The following TRPM4 variants were observed in gnomAD, a reference collection of about 807,000 sequenced individuals.
TRPM4 encodes transient receptor potential cation channel subfamily M member 4.
In TRPM4, 124 loss-of-function variants were observed where a neutral mutation model predicts 135.6. That is an observed-to-expected ratio of 0.91 (90% CI 0.79 to 1.06). The LOEUF (loss-of-function observed/expected upper bound fraction) is 1.06. TRPM4 is among the 50% of genes least tolerant of loss of function. TRPM4 has a pLI of 0.00. For missense variants in TRPM4, 1,658 were observed against 1,671.4 expected, an observed-to-expected ratio of 0.99 and a Z score of 0.14; for synonymous variants, 745 against 705.6, an observed-to-expected ratio of 1.06 and a Z score of -0.88.
chr19:49,202,111 T>C lies in TRPM4; in HGVS notation c.3101T>C (p.Leu1034Pro). Residue 1034 changes from leucine (L) to proline (P), a missense_variant, in exon 20 of 25, where the codon CTG (leucine) becomes CCG (proline). This residue lies in a region of TRPM4 where 1,412 missense variants were observed against 1,408.7 expected (regional missense o/e 1.00). Coordinates refer to ENST00000252826, the MANE Select transcript of TRPM4 (RefSeq NM_017636.4). ...LVIFLLVANI[L>P]LVNLLIAMFS... ...ATCTTCCTGCTCGTGGCCAACATCC[T>C]GCTGGTCAACTTGCTCATTGCCATG... 6.2e-7 allele frequency: 1 copy of C among 1,614,136 alleles called. No homozygotes were observed. The highest frequency in any genetic ancestry group is 8.5e-7 in the Non-Finnish European group (1 of 1,180,042).
At position 49,168,606 on chromosome 19, in the gene TRPM4, G is replaced by A; in HGVS notation, c.666G>A (p.Gln222=). Residue 222 remains glutamine (Q), a synonymous_variant, in exon 6 of 25, where the codon CAG becomes CAA. Coordinates refer to ENST00000252826, the MANE Select transcript of TRPM4 (RefSeq NM_017636.4). ...RWRGDPEDGV[Q]FPLDYNYSAF... ...GCGGTGACCCGGAGGACGGGGTCCA[G>A]TTTCCCCTGGACTACAACTACTCGG... is the stretch of plus-strand genomic sequence containing the variant. 1 of 1,613,806 alleles carries A rather than the reference G, an allele frequency of 6.2e-7. No homozygotes were observed. The highest frequency in any genetic ancestry group is 8.5e-7 in the Non-Finnish European group (1 of 1,180,008).
intron 15 of TRPM4, 84 bp from the exon 16 acceptor site, chr19:49,190,612 G>C (rs1968375408): frequency 7.2e-7 from 1 of 1,393,570 alleles, no homozygotes; most frequent in Non-Finnish European, 1.0e-6. Context: ...ATGTCTCCGG[G>C]TGAAGAAGTT....
At chr19:49,196,910 G>GCCACCTCTCATCCTTCCTGC in intron 17 of TRPM4, 36 bp downstream of exon 17, 1 of 1,539,900 alleles carries the variant, frequency 6.5e-7, no homozygotes, top group Non-Finnish European at 8.7e-7. Context: ...CTGGCCCCTG[G>GCCACCTCTCATCCTTCCTGC]CCACCTCTCA....
chr19:49,162,454 G>A (rs897111036), intron 2 of TRPM4, among the ~76,000 whole-genome samples: 4 of 152,078 alleles, frequency 2.6e-5, no homozygotes, highest in African/African-American at 7.2e-5. Flanking sequence ...CACGAGAGTC[G>A]CTTGAGCCCA....
Position 49,189,000 on chromosome 19 carries a change from T to C in TRPM4, c.1928T>C (p.Leu643Pro). ...GAGGTGAGGGCTGCCCGCCTCCTCCTCCGTCGCTGCCCGCTCTGGGGGGAT... is the reference window on the plus strand; with the variant it reads ...GAGGTGAGGGCTGCCCGCCTCCTCCCCCGTCGCTGCCCGCTCTGGGGGGAT... ...SSEVRAARLL[L>P]RRCPLWGDAT... Residue 643 changes from leucine (L) to proline (P), a missense_variant, in exon 14 of 25, where the codon CTC becomes CCC. By Grantham distance (98) the Leu-to-Pro change is moderately conservative. Around this residue, in one of 3 missense-constraint regions of TRPM4, gnomAD observed 1,412 missense variants for 1,408.7 expected, o/e 1.00. Coordinates refer to ENST00000252826, the MANE Select transcript of TRPM4 (RefSeq NM_017636.4). 6.2e-7 allele frequency: 1 copy of C among 1,614,146 alleles called. No individual in the cohort carries two copies. Among genetic ancestry groups the C allele is most frequent in the East Asian group, 2.2e-5 (1 of 44,884 alleles).
chr19:49,179,538 TG>T (rs1967835505), intron 9 of TRPM4, among the ~76,000 whole-genome samples: 1 of 151,256 alleles, frequency 6.6e-6, no homozygotes, highest in Admixed American at 6.6e-5. Context: ...TTAGTAGAGA[TG>T]GGGTTTCACC....
At chr19:49,164,497 G>A (rs1034790484) in intron 2 of TRPM4, among the ~76,000 whole-genome samples, 8 of 142,754 alleles carry the variant, frequency 5.6e-5, no homozygotes, top group African/African-American at 2.1e-4. Context: ...TCCTGCCTCA[G>A]CCTTCTGAGT....
At position 49,210,381 on chromosome 19, in the gene TRPM4, T is replaced by G. The variant is rs759574423; in HGVS notation, c.3304T>G (p.Ser1102Ala). The change falls in exon 21 of 25, where the codon TCC becomes GCC. Residue 1102 changes from serine to alanine, a missense_variant. Coordinates refer to ENST00000252826, the MANE Select transcript of TRPM4 (RefSeq NM_017636.4). The surrounding 1 kb of genome is among the most constrained non-coding windows in gnomAD (Gnocchi z 4.1). ...LCRRPRSPQP[S>A]SPALEHFRVY... Reference sequence around the variant, plus strand: ...CAGGCGACCCCGGAGCCCCCAGCCGTCCTCCCCGGCCCTCGAGCATTTCCG... The same window carrying G: ...CAGGCGACCCCGGAGCCCCCAGCCGGCCTCCCCGGCCCTCGAGCATTTCCG... 2.7e-5 allele frequency: 43 copies of G among 1,613,642 alleles called. No homozygotes were observed. The East Asian group carries it at 9.6e-4, about 36-fold the overall frequency.
rs1460757545 is a variant in TRPM4, at chr19:49,194,072, C to T, written c.2211-2368C>T. ...TTCTCCTCATCCTACTTCTCCTCTT[C>T]ATCCTCCTCCTGCTCCTGCTCCTCC... On this transcript the variant is annotated intron_variant, in intron 16 of 24. Transcript: ENST00000252826. 2.0e-5 allele frequency among the ~76,000 whole-genome samples: 3 copies of T among 150,498 alleles called. No individual in the cohort carries two copies. The East Asian group carries it at 5.8e-4, about 29-fold the overall frequency.
rs777689047 is a variant in TRPM4 at position 49,171,531 on chromosome 19, T to A, written c.859-47T>A. On this transcript the variant is annotated intron_variant, in intron 7 of 24. Transcript: ENST00000252826. The surrounding 1 kb of genome is among the most constrained non-coding windows in gnomAD (Gnocchi z 4.7). ...GGTCTGACTCCGGGTAGGGTGAATA[T>A]CCTGCCTTTTCTGACGTGATGAATA... 2 of 1,612,792 alleles carry A rather than the reference T, an allele frequency of 1.2e-6. No homozygotes were observed. Among genetic ancestry groups the A allele is most frequent in the South Asian group, 2.2e-5 (2 of 91,040 alleles).
At chr19:49,158,130 A>G (rs2041551491) in intron 1 of TRPM4, 62 bp from the exon 2 acceptor site, 2 of 1,531,960 alleles carry the variant, frequency 1.3e-6, no homozygotes, top group Admixed American at 1.7e-5. Context: ...TCTGTGTCCC[A>G]TAGGACAGAA....
In TRPM4 at chr19:49,181,440, TC is replaced by T; in HGVS notation, c.1243del (p.Arg415GlyfsTer20). 6.2e-7 allele frequency: 1 copy of T among 1,613,326 alleles called. No homozygotes were observed. Among genetic ancestry groups the T allele is most frequent in the Non-Finnish European group, 8.5e-7 (1 of 1,179,850 alleles). ...RVDIAQSELF[R>X]GDIQWRSFHL... ...TGGACATTGCCCAGAGTGAACTCTT[TC>T]GGGGGGACATCCAATGGCGGGTGAG... On this transcript the variant is annotated frameshift_variant, in exon 10 of 25. Coordinates refer to ENST00000252826, the MANE Select transcript of TRPM4 (RefSeq NM_017636.4). LOFTEE classifies it high-confidence loss of function.
In TRPM4 at chr19:49,182,623, C is replaced by CG. The variant is rs755946769; in HGVS notation, c.1311dup (p.Pro438AlafsTer2). 1.4e-5 allele frequency: 22 copies of CG among 1,614,026 alleles called. No individual in the cohort carries two copies. The highest frequency in any genetic ancestry group is 1.7e-5 in the Non-Finnish European group (20 of 1,180,050). The stretch of plus-strand genomic sequence containing the variant: ...CCTCATGGACGCCCTGCTGAATGAC[C>CG]GGCCTGAGTTCGTGCGCTTGCTCAT... On this transcript the variant is annotated frameshift_variant, in exon 11 of 25. Transcript: ENST00000252826. LOFTEE classifies it high-confidence loss of function.
intron 16 of TRPM4, 140 bp downstream of exon 16, chr19:49,190,913 G>T: frequency 1.5e-6 from 1 of 685,616 alleles, no homozygotes; most frequent in Non-Finnish European, 2.5e-6. Flanking sequence ...ATAAAGAAAA[G>T]AGGTTTCATT....
chr19:49,168,504 C>T (rs377694905), intron 5 of TRPM4, 49 bp from the exon 6 acceptor site: 2 of 1,613,550 alleles, frequency 1.2e-6, no homozygotes, highest in South Asian at 1.1e-5. Context: ...CGTGTTTGTC[C>T]TTCTGGCCCC....
chr19:49,176,885 G>T lies in TRPM4; in HGVS notation c.1151-4464G>T, dbSNP rs117146630. The stretch of plus-strand genomic sequence containing the variant: ...CAATCAAAAAGAAACAAACCAGCTT[G>T]GCCCTTTCTTGCTGTGTGGTCTTGA... On this transcript the variant is annotated intron_variant, in intron 9 of 24. Transcript: ENST00000252826. 1.9e-3 allele frequency among the ~76,000 whole-genome samples: 289 copies of T among 152,134 alleles called. 11 individuals carry two copies. In the East Asian group the frequency reaches 0.049, roughly 26 times the overall value.
chr19:49,202,881 C>CTTTTTTTTTTTTT (rs752188238), intron 20 of TRPM4, among the ~76,000 whole-genome samples: 1 of 109,644 alleles, frequency 9.1e-6, no homozygotes, highest in Non-Finnish European at 1.8e-5. Flanking sequence ...ATTTTTACTT[C>CTTTTTTTTTTTTT]TTTTTTTTTT....
In TRPM4 at chr19:49,157,856, G is replaced by A. The variant is rs1472386970; in HGVS notation, c.-11G>A. The A allele has an allele frequency of 1.3e-6, 2 of 1,534,494 alleles. No homozygotes were observed. The highest frequency in any genetic ancestry group is 1.7e-6 in the Non-Finnish European group (2 of 1,146,238). On this transcript the variant is annotated 5_prime_UTR_variant, in exon 1 of 25. Coordinates refer to ENST00000252826, the MANE Select transcript of TRPM4 (RefSeq NM_017636.4). ...CCCTGGGCTGCAGGAGGTTGCGGCG[G>A]CCGCGGCAGCATGGTGGTGCCGGAG...
chr19:49,202,142 G>T lies in TRPM4; in HGVS notation c.3131+1G>T. 1 of 1,613,940 alleles carries T rather than the reference G, an allele frequency of 6.2e-7. No homozygotes were observed. Among genetic ancestry groups the T allele is most frequent in the Non-Finnish European group, 8.5e-7 (1 of 1,180,028 alleles). On this transcript the variant is annotated splice_donor_variant, in intron 20 of 24. Coordinates refer to ENST00000252826, the MANE Select transcript of TRPM4 (RefSeq NM_017636.4). LOFTEE classifies it high-confidence loss of function. ...TCAACTTGCTCATTGCCATGTTCAGGTGAGGCCTGACTGCTCTCTGATCTG... is the reference window on the plus strand; with the variant it reads ...TCAACTTGCTCATTGCCATGTTCAGTTGAGGCCTGACTGCTCTCTGATCTG...
Sources: allele counts gnomAD v4.1 joint callset (sites outside exome capture counted in the v4.1 genomes callset), GRCh38; gene constraint gnomAD v4.1.1; regional missense constraint gnomAD v4.1.1; non-coding constraint Gnocchi (gnomAD v3.1); transcripts MANE v1.5; gene names NCBI Gene and HGNC (gene_info 2026-07-23, HGNC 2026-07-21).